HMBOX1: variants seen among roughly 807,000 people sequenced by gnomAD.
The protein encoded by HMBOX1 is homeobox-containing protein 1.
Under a neutral mutation model 54.5 loss-of-function variants are expected in HMBOX1, and 14 were observed. The observed-to-expected ratio is 0.26, with a 90% CI of 0.17 to 0.40. HMBOX1 has a LOEUF of 0.40. Among genes scored for constraint, HMBOX1 ranks in the 10% least tolerant of loss-of-function variants. The pLI is 1.00. For synonymous variants in HMBOX1, 160 were observed against 181.0 expected (o/e 0.88, Z 0.93); for missense variants, 332 against 514.4 (o/e 0.65, Z 3.43).
At chr8:28,959,214 T>C (rs1339426079) in intron 1 of HMBOX1, among the ~76,000 whole-genome samples, 1 of 152,140 alleles carries the variant, frequency 6.6e-6, no homozygotes, top group Non-Finnish European at 1.5e-5. Context: ...GTTTGGTGTA[T>C]TGAAATTGCC....
chr8:29,012,341 A>C (rs1240719701), intron 5 of HMBOX1, among the ~76,000 whole-genome samples: 1 of 151,848 alleles, frequency 6.6e-6, no homozygotes, highest in Admixed American at 6.6e-5. Context: ...TTCAGACCTG[A>C]TTGGAATCCA....
intron 5 of HMBOX1, chr8:29,009,749 A>G: frequency 7.8e-7 from 1 of 1,284,926 alleles, no homozygotes; most frequent in Non-Finnish European, 1.0e-6. Flanking sequence ...AAATCTTAAG[A>G]AAACTAAGAT....
chr8:28,906,810 T>C (rs1814426251), intron 1 of HMBOX1, among the ~76,000 whole-genome samples: 1 of 152,172 alleles, frequency 6.6e-6, no homozygotes, highest in South Asian at 2.1e-4. Context: ...CAGGCTTGTC[T>C]TGAACCCCTG....
chr8:28,984,866 A>G (rs1032772687), intron 4 of HMBOX1, among the ~76,000 whole-genome samples: 8 of 152,188 alleles, frequency 5.3e-5, no homozygotes, highest in African/African-American at 1.7e-4. Context: ...CTTATCAGCC[A>G]AAGAAATATA....
upstream of HMBOX1, chr8:28,890,313 G>A: frequency 5.8e-6 from 1 of 172,276 alleles, no homozygotes; most frequent in South Asian, 1.2e-4. Flanking sequence ...CCCTCTAGGC[G>A]CCGGGCTCCG....
intron 3 of HMBOX1, among the ~76,000 whole-genome samples, chr8:28,976,082 T>C (rs1430822978): frequency 6.6e-6 from 1 of 152,170 alleles, no homozygotes; most frequent in Non-Finnish European, 1.5e-5. Context: ...ATTTTGAAAA[T>C]ACCTAGTGAA....
intron 1 of HMBOX1, among the ~76,000 whole-genome samples, chr8:28,909,896 A>C (rs1211765129): frequency 2.6e-5 from 4 of 151,708 alleles, no homozygotes; most frequent in African/African-American, 4.8e-5. Context: ...TGGGTCTTTC[A>C]TCACCCAGGC....
At chr8:28,980,225 TA>T (rs755881165) in intron 4 of HMBOX1, 69 bp downstream of exon 4, 136 of 1,152,300 alleles carry the variant, frequency 1.2e-4, no homozygotes, top group Middle Eastern at 1.2e-3. Flanking sequence ...GATGTTGGAA[TA>T]TTGCTTGCAT....
At chr8:28,988,604 C>A (rs1035936829) in intron 4 of HMBOX1, among the ~76,000 whole-genome samples, 2 of 152,202 alleles carry the variant, frequency 1.3e-5, no homozygotes, top group African/African-American at 4.8e-5. Context: ...GTTTGTGCTT[C>A]TCTGTGAGTT....
intron 1 of HMBOX1, among the ~76,000 whole-genome samples, chr8:28,939,420 T>A (rs868773582): frequency 4.6e-5 from 7 of 152,220 alleles, no homozygotes; most frequent in South Asian, 2.1e-4. Context: ...CCTCTAGTCC[T>A]GAGTGAAACA....
At position 28,938,290 on chromosome 8, in the gene HMBOX1, T is replaced by C. The variant is rs570626522; in HGVS notation, c.-57-25521T>C. 1.4e-4 allele frequency among the ~76,000 whole-genome samples: 22 copies of C among 152,342 alleles called. No individual in the cohort carries two copies. The South Asian group carries it at 1.4e-3, about 10-fold the overall frequency. On this transcript the variant is annotated intron_variant, in intron 1 of 9. Coordinates refer to ENST00000287701, the MANE Select transcript of HMBOX1 (RefSeq NM_001135726.3). ...AATGTAATAGAATTTGTTGTGAGTA[T>C]AAAATTAAAGATTTGTAAGCTGCAA...
chr8:28,977,511 A>G (rs980542841), intron 3 of HMBOX1, among the ~76,000 whole-genome samples: 4 of 152,246 alleles, frequency 2.6e-5, no homozygotes, highest in Non-Finnish European at 5.9e-5. Flanking sequence ...ATTGATGCAT[A>G]TTTGAAAGCT....
At chr8:28,964,219 A>T (rs903965220) in intron 2 of HMBOX1, among the ~76,000 whole-genome samples, 5 of 152,172 alleles carry the variant, frequency 3.3e-5, no homozygotes, top group Non-Finnish European at 5.9e-5. Flanking sequence ...GATGACTAAC[A>T]GTTCAAGAGA....
At chr8:28,983,488 G>A (rs1213754399) in intron 4 of HMBOX1, among the ~76,000 whole-genome samples, 9 of 152,118 alleles carry the variant, frequency 5.9e-5, no homozygotes, top group Non-Finnish European at 5.9e-5. Flanking sequence ...GACCAATTTA[G>A]TCCTTGCAGA....
chr8:28,973,209 C>G (rs1827733906), intron 3 of HMBOX1, among the ~76,000 whole-genome samples: 2 of 152,120 alleles, frequency 1.3e-5, no homozygotes, highest in African/African-American at 4.8e-5. Context: ...ATCATTAAAA[C>G]CATGATGTGA....
At chr8:29,037,013 A>C (rs1383430683) in intron 6 of HMBOX1, among the ~76,000 whole-genome samples, 2 of 152,182 alleles carry the variant, frequency 1.3e-5, no homozygotes, top group Non-Finnish European at 2.9e-5. Context: ...CATGTGAATC[A>C]CTTCCTAGGC....
intron 5 of HMBOX1, among the ~76,000 whole-genome samples, chr8:29,011,845 A>G (rs773649073): frequency 4.6e-5 from 7 of 152,218 alleles, no homozygotes; most frequent in Non-Finnish European, 8.8e-5. Flanking sequence ...GCATTCATCT[A>G]GCTGATAATT....
In HMBOX1 at chr8:29,049,476, A is replaced by G. The variant is rs1385905798; in HGVS notation, c.1125+428A>G. 12 of 1,465,360 alleles carry G rather than the reference A, an allele frequency of 8.2e-6. No homozygotes were observed. In the Admixed American group the frequency reaches 1.1e-4, roughly 14 times the overall value. The allele number at this position is 1,465,360 out of a possible 1,614,324, so 90.8% of individuals were successfully genotyped here. A position where few individuals can be genotyped will look rare whatever the true frequency, so the allele number is the denominator to read the frequency against. ...GGACCCCATGCCTAAACACGTACCG[A>G]CGCAGGGCACGATGGAAGGCCCCAC... On this transcript the variant is annotated intron_variant, in intron 9 of 9. Transcript: ENST00000287701.
chr8:28,953,774 A>C (rs1471346107), intron 1 of HMBOX1, among the ~76,000 whole-genome samples: 1 of 152,168 alleles, frequency 6.6e-6, no homozygotes, highest in South Asian at 2.1e-4. Context: ...ATGATTTGCT[A>C]ACTGTTCAAG....
Sources: gnomAD v4.1 joint callset for allele counts (sites outside exome capture counted in the v4.1 genomes callset) on GRCh38, gnomAD v4.1.1 for gene constraint, MANE v1.5 for transcripts, NCBI Gene and HGNC (gene_info 2026-07-23, HGNC 2026-07-21) for gene names.